The following RMDN2 variants were observed in gnomAD, a reference collection of about 807,000 sequenced individuals.
RMDN2 encodes the protein regulator of microtubule dynamics 2.
In RMDN2, 61 loss-of-function variants were observed where a neutral mutation model predicts 52.8. The ratio of observed to expected loss-of-function variants is 1.16; its 90% CI spans 0.94 to 1.43. RMDN2 has a LOEUF of 1.43. RMDN2 is among the 40% of genes most tolerant of loss of function. The pLI, the probability that RMDN2 is intolerant of heterozygous loss-of-function variation, is 0.00. For missense variants in RMDN2, 592 were observed against 475.3 expected (o/e 1.25, Z -2.28); for synonymous variants, 180 against 153.1 (o/e 1.18, Z -1.30).
intron 10 of RMDN2, among the ~76,000 whole-genome samples, chr2:38,013,886 G>A (rs1156339990): frequency 6.6e-6 from 1 of 152,164 alleles, no homozygotes; most frequent in African/African-American, 2.4e-5. Context: ...TCCGTGCCTG[G>A]AGAATTATTC....
At chr2:38,048,418 G>T (rs1681401433) in intron 10 of RMDN2, among the ~76,000 whole-genome samples, 1 of 152,204 alleles carries the variant, frequency 6.6e-6, no homozygotes, top group African/African-American at 2.4e-5. Context: ...CTCCTCTGGA[G>T]AAAGGAAAAC....
chr2:38,067,138 A>G (rs1682317037), downstream of RMDN2: 1 of 733,382 alleles, frequency 1.4e-6, no homozygotes, highest in Non-Finnish European at 2.4e-6. Context: ...TCCACATAGT[A>G]CATGACAGAA....
At chr2:38,057,253 T>C (rs913088663) in intron 10 of RMDN2, among the ~76,000 whole-genome samples, 1 of 152,228 alleles carries the variant, frequency 6.6e-6, no homozygotes, top group Non-Finnish European at 1.5e-5. Context: ...TGCCTTGTGG[T>C]CTTTGTTACA....
chr2:37,938,991 G>A (rs556467248), intron 2 of RMDN2, among the ~76,000 whole-genome samples: 4 of 152,236 alleles, frequency 2.6e-5, no homozygotes, highest in African/African-American at 4.8e-5. Context: ...TGGTGTTAGG[G>A]TGTCAATTTT....
chr2:38,041,825 T>A (rs148934817), intron 10 of RMDN2, among the ~76,000 whole-genome samples: 12 of 152,186 alleles, frequency 7.9e-5, no homozygotes, highest in African/African-American at 2.4e-4. Flanking sequence ...ATGGTTGTAG[T>A]TTTTTTTATA....
chr2:37,997,500 C>A lies in RMDN2; in HGVS notation c.1030C>A (p.His344Asn). The A allele has an allele frequency of 6.2e-7, 1 of 1,608,318 alleles. No individual in the cohort carries two copies. The highest frequency in any genetic ancestry group is 8.5e-7 in the Non-Finnish European group (1 of 1,174,798). Reference sequence around the variant, plus strand: ...ATCTTCAACTGTACAAGAAGCTTTACACAATTTCCTTAAGGTACATTTTGT... The same window carrying A: ...ATCTTCAACTGTACAAGAAGCTTTAAACAATTTCCTTAAGGTACATTTTGT... ...IPSSTVQEALHNFLKAEELCP... is the reference protein window; with the variant it reads ...IPSSTVQEALNNFLKAEELCP... The change falls in exon 8 of 11, where the codon CAC becomes AAC. Residue 344 changes from histidine (H) to asparagine (N), a missense_variant. His to Asn is a moderately conservative substitution (Grantham distance 68). Transcript: ENST00000354545.
At chr2:37,986,850 A>G (rs1344190336) in intron 5 of RMDN2, among the ~76,000 whole-genome samples, 2 of 152,018 alleles carry the variant, frequency 1.3e-5, no homozygotes, top group East Asian at 1.9e-4. Context: ...TACAGGAAAC[A>G]TACAGCTAAC....
intron 10 of RMDN2, among the ~76,000 whole-genome samples, chr2:38,039,575 A>G (rs1375039870): frequency 1.3e-5 from 2 of 152,158 alleles, no homozygotes; most frequent in Non-Finnish European, 2.9e-5. Context: ...TTTCACTCCT[A>G]TCATTAAGTA....
At chr2:37,928,220 A>G (rs1046964888) in intron 1 of RMDN2, among the ~76,000 whole-genome samples, 2 of 152,216 alleles carry the variant, frequency 1.3e-5, no homozygotes, top group Admixed American at 1.3e-4. Context: ...ACTCTAGTGA[A>G]ATAGGAATCC....
chr2:38,010,321 G>GAGGC (rs1210350755), intron 10 of RMDN2, among the ~76,000 whole-genome samples: 1 of 152,212 alleles, frequency 6.6e-6, no homozygotes, highest in Non-Finnish European at 1.5e-5. Context: ...GGAGTCTACA[G>GAGGC]AGGCAGGCAG....
chr2:38,012,381 T>G (rs1278905102), intron 10 of RMDN2, among the ~76,000 whole-genome samples: 1 of 152,230 alleles, frequency 6.6e-6, no homozygotes, highest in Admixed American at 6.5e-5. Flanking sequence ...CATTCATCAC[T>G]GTACCCCTAA....
intron 5 of RMDN2, among the ~76,000 whole-genome samples, chr2:37,987,154 A>G (rs1484843882): frequency 6.6e-6 from 1 of 152,186 alleles, no homozygotes; most frequent in Admixed American, 6.5e-5. Context: ...AAAGTCAATC[A>G]GTTTCCTCTA....
chr2:38,031,242 C>G (rs1680176474), intron 10 of RMDN2, among the ~76,000 whole-genome samples: 1 of 145,978 alleles, frequency 6.9e-6, no homozygotes, highest in South Asian at 2.2e-4. Flanking sequence ...TGCTCATAGT[C>G]ATACTTTGTT....
At chr2:38,048,088 T>C (rs906710215) in intron 10 of RMDN2, among the ~76,000 whole-genome samples, 8 of 152,242 alleles carry the variant, frequency 5.3e-5, no homozygotes, top group African/African-American at 1.9e-4. Context: ...AGATCTATCA[T>C]TCTAAACTTC....
intron 2 of RMDN2, among the ~76,000 whole-genome samples, chr2:37,973,576 G>A (rs867562430): frequency 1.3e-5 from 2 of 152,138 alleles, no homozygotes; most frequent in Non-Finnish European, 2.9e-5. Context: ...AAAGAAAAAA[G>A]CATTATGAGG....
At chr2:37,982,125 C>T (rs1012810280) in intron 5 of RMDN2, among the ~76,000 whole-genome samples, 3 of 152,296 alleles carry the variant, frequency 2.0e-5, no homozygotes, top group Admixed American at 1.3e-4. Context: ...TATTTCCCAT[C>T]CCTATGATGT....
At chr2:37,939,020 C>G (rs1667557374) in intron 2 of RMDN2, among the ~76,000 whole-genome samples, 2 of 152,152 alleles carry the variant, frequency 1.3e-5, no homozygotes, top group African/African-American at 2.4e-5. Flanking sequence ...CCTGCTTTCT[C>G]CTGTGAGCAT....
intron 4 of RMDN2, among the ~76,000 whole-genome samples, chr2:37,977,448 G>T: frequency 6.6e-6 from 1 of 151,448 alleles, no homozygotes; most frequent in African/African-American, 2.4e-5. Context: ...CCCAGACGGG[G>T]CGGCTGGCTG....
rs1449632986 is a variant in RMDN2, at chr2:37,932,728, G to A, written c.452+2999G>A. On this transcript the variant is annotated intron_variant, in intron 2 of 10. Transcript: ENST00000354545. ...TCCCTCCCGGACGGGGCGGCTGGCC[G>A]GGCAGAGGGGCTCCTCACTTCCCAG... Among the ~76,000 whole-genome samples the A allele has an allele frequency of 3.4e-3, 506 of 147,680 alleles. 1 individual carries two copies. Among genetic ancestry groups the A allele is most frequent in the East Asian group, 0.014 (66 of 4,796 alleles).
Sources: gnomAD v4.1 joint callset for allele counts (sites outside exome capture counted in the v4.1 genomes callset) on GRCh38, gnomAD v4.1.1 for gene constraint, MANE v1.5 for transcripts, NCBI Gene and HGNC (gene_info 2026-07-23, HGNC 2026-07-21) for gene names.